TRPM3: variants seen among roughly 807,000 people sequenced by gnomAD.
The protein encoded by TRPM3 is long transient receptor potential channel 3.
Under a neutral mutation model 181.2 loss-of-function variants are expected in TRPM3, and 77 were observed. The observed-to-expected ratio is 0.42, with a 90% CI of 0.35 to 0.51. The LOEUF is 0.51. Among genes scored for constraint, TRPM3 ranks in the 20% least tolerant of loss-of-function variants. TRPM3 has a pLI of 0.01. For synonymous variants in TRPM3, 745 were observed against 796.4 expected, an observed-to-expected ratio of 0.94 and a Z score of 1.09; for missense variants, 1,759 against 2,196.7, an observed-to-expected ratio of 0.80 and a Z score of 3.98.
rs553304572 is a variant in TRPM3 at position 70,750,583 on chromosome 9, GA to G, written c.1272+11017del. 3.3e-4 allele frequency among the ~76,000 whole-genome samples: 51 copies of G among 152,288 alleles called. 1 individual carries two copies. Among genetic ancestry groups the G allele is most frequent in the African/African-American group, 1.1e-3 (46 of 41,568 alleles). ...GGTGAAGAAAACTGAGGCTCAGAAT[GA>G]GGATGATGGCACTGGAATCGAAGTA... On this transcript the variant is annotated intron_variant, in intron 8 of 25. Coordinates refer to ENST00000677713, the MANE Select transcript of TRPM3 (RefSeq NM_001366145.2).
intron 8 of TRPM3, among the ~76,000 whole-genome samples, chr9:70,756,231 C>A (rs769725705): frequency 6.6e-6 from 1 of 151,128 alleles, no homozygotes. Flanking sequence ...CAACCGAGAC[C>A]GAAAAAACAA....
intron 1 of TRPM3, among the ~76,000 whole-genome samples, chr9:71,318,822 T>G (rs974061028): frequency 2.6e-5 from 4 of 152,146 alleles, no homozygotes; most frequent in Non-Finnish European, 4.4e-5. Context: ...ACAGTTTGAT[T>G]AGTTTTGACA....
At chr9:71,248,000 T>C (rs1006112981) in intron 1 of TRPM3, among the ~76,000 whole-genome samples, 7 of 152,228 alleles carry the variant, frequency 4.6e-5, no homozygotes, top group African/African-American at 7.2e-5. Context: ...CAAAAGCTGA[T>C]AGACTGTCCT....
chr9:70,993,032 G>T (rs1160172677), intron 1 of TRPM3, among the ~76,000 whole-genome samples: 1 of 152,140 alleles, frequency 6.6e-6, no homozygotes, highest in African/African-American at 2.4e-5. Context: ...TTGGTTGAGG[G>T]ACATAAAGAC....
intron 1 of TRPM3, among the ~76,000 whole-genome samples, chr9:70,920,911 C>T (rs776033368): frequency 1.2e-4 from 18 of 152,126 alleles, no homozygotes; most frequent in Non-Finnish European, 2.5e-4. Flanking sequence ...GTTGCATACT[C>T]TCAATTAAAT....
At chr9:71,143,620 T>C (rs2075250254) in intron 1 of TRPM3, among the ~76,000 whole-genome samples, 4 of 152,194 alleles carry the variant, frequency 2.6e-5, no homozygotes, top group Admixed American at 2.6e-4. Context: ...TCTATGTGTT[T>C]GCTATTGTGA....
chr9:70,858,852 A>G (rs6560164), intron 3 of TRPM3, among the ~76,000 whole-genome samples: 8,666 of 152,186 alleles, frequency 0.057, 264 homozygotes, highest in Middle Eastern at 0.088. Context: ...ATGAAGTCCA[A>G]TGGGACAGTG....
Position 70,784,235 on chromosome 9 carries a change from C to T in TRPM3, c.1018G>A (p.Gly340Arg). The T allele has an allele frequency of 6.2e-7, 1 of 1,613,194 alleles. No homozygotes were observed. The highest frequency in any genetic ancestry group is 8.5e-7 in the Non-Finnish European group (1 of 1,179,450). ...VPVVALIVEG[G>R]PNVISIVLEY... ...AAAACAATCGAGATCACATTGGGTCCTCCTTCCACTATGAGTGCCACCACA... is the reference window on the plus strand; with the variant it reads ...AAAACAATCGAGATCACATTGGGTCTTCCTTCCACTATGAGTGCCACCACA... The change falls in exon 7 of 26, where the codon GGA becomes AGA. Residue 340 changes from glycine (G) to arginine (R), a missense_variant. Physicochemically the swap from Gly to Arg is moderately radical, Grantham distance 125 (BLOSUM62 -2). Around this residue, in one of 8 missense-constraint regions of TRPM3, gnomAD observed 737 missense variants for 957.4 expected, o/e 0.77. Transcript: ENST00000677713.
At chr9:70,929,255 G>GC (rs977215337) in intron 1 of TRPM3, among the ~76,000 whole-genome samples, 1 of 151,658 alleles carries the variant, frequency 6.6e-6, no homozygotes, top group African/African-American at 2.4e-5. Context: ...AGGCTGGAGT[G>GC]CAGTGGTGCA....
At chr9:71,188,965 A>G (rs907722251) in intron 1 of TRPM3, among the ~76,000 whole-genome samples, 3 of 151,866 alleles carry the variant, frequency 2.0e-5, no homozygotes, top group African/African-American at 7.2e-5. Flanking sequence ...CCATTGAGGA[A>G]AAAGGTCTAT....
At chr9:71,292,134 A>C (rs1565430193) in intron 1 of TRPM3, among the ~76,000 whole-genome samples, 1 of 152,086 alleles carries the variant, frequency 6.6e-6, no homozygotes, top group Non-Finnish European at 1.5e-5. Flanking sequence ...CATAATGAAA[A>C]TGAATAAACA....
At chr9:70,571,233 G>A (rs1043734567) in intron 22 of TRPM3, among the ~76,000 whole-genome samples, 3 of 152,100 alleles carry the variant, frequency 2.0e-5, no homozygotes, top group African/African-American at 4.8e-5. Flanking sequence ...TAGCTCTGCC[G>A]TTTACTAGCT....
Position 71,296,988 on chromosome 9 carries a change from C to CTTTTTTTT in TRPM3, c.183+149657_183+149664dup, listed in dbSNP as rs398010878. On this transcript the variant is annotated intron_variant, in intron 1 of 24. Transcript: ENST00000357533. ...AACAAACATGGGATGTGAATCTTTT[C>CTTTTTTTT]TTTTTTTTTTTTTTTTTTTTTGAGA... is the stretch of plus-strand genomic sequence containing the variant. Among the ~76,000 whole-genome samples, 79 of 97,858 alleles carry CTTTTTTTT rather than the reference C, an allele frequency of 8.1e-4. 1 individual carries two copies. The highest frequency in any genetic ancestry group is 2.9e-3 in the African/African-American group (75 of 26,024). 64.2% of individuals were successfully genotyped at this position (97,858 alleles called of 152,430 possible).
intron 7 of TRPM3, among the ~76,000 whole-genome samples, chr9:70,771,307 G>A (rs749606784): frequency 6.6e-6 from 1 of 152,200 alleles, no homozygotes; most frequent in Admixed American, 6.5e-5. Flanking sequence ...AGGATCCAAG[G>A]TCTGTGAAGG....
chr9:70,846,962 C>T (rs1392823284), intron 3 of TRPM3, among the ~76,000 whole-genome samples: 2 of 152,088 alleles, frequency 1.3e-5, no homozygotes, highest in African/African-American at 4.8e-5. Flanking sequence ...TTTATATTAA[C>T]TAGATGCACA....
intron 1 of TRPM3, among the ~76,000 whole-genome samples, chr9:71,318,777 G>A (rs1381456850): frequency 6.6e-6 from 1 of 152,044 alleles, no homozygotes; most frequent in African/African-American, 2.4e-5. Flanking sequence ...TTGAAGTATA[G>A]CTGAAATAAG....
chr9:70,967,554 T>C (rs1339567025), intron 1 of TRPM3, among the ~76,000 whole-genome samples: 1 of 152,104 alleles, frequency 6.6e-6, no homozygotes, highest in Admixed American at 6.6e-5. Flanking sequence ...TGTCACTTTA[T>C]GCAAGTACAC....
chr9:71,295,070 GTTTA>G (rs773138329), intron 1 of TRPM3, among the ~76,000 whole-genome samples: 1 of 152,084 alleles, frequency 6.6e-6, no homozygotes, highest in South Asian at 2.1e-4. Flanking sequence ...AAATAGAGGT[GTTTA>G]TTTAATGCTA....
At chr9:70,934,807 T>C (rs2096809969) in intron 1 of TRPM3, among the ~76,000 whole-genome samples, 1 of 152,102 alleles carries the variant, frequency 6.6e-6, no homozygotes, top group Non-Finnish European at 1.5e-5. Context: ...TATGGGAAAT[T>C]AGCCCAAGGC....
Sources: gnomAD v4.1 joint callset for allele counts (sites outside exome capture counted in the v4.1 genomes callset) on GRCh38, gnomAD v4.1.1 for gene constraint, gnomAD v4.1.1 regional missense constraint, MANE v1.5 for transcripts, NCBI Gene and HGNC (gene_info 2026-07-23, HGNC 2026-07-21) for gene names.